The following ANGPTL6 variants were observed in gnomAD, a reference collection of about 807,000 sequenced individuals.
ANGPTL6 encodes angiopoietin like 6.
In ANGPTL6, 45 loss-of-function variants were observed where a neutral mutation model predicts 47.4. The ratio of observed to expected loss-of-function variants is 0.95; its 90% CI spans 0.75 to 1.22. The LOEUF is 1.22. ANGPTL6 is among the 50% of genes most tolerant of loss of function. The pLI is 0.00. For missense variants in ANGPTL6, 698 were observed against 669.4 expected, an observed-to-expected ratio of 1.04 and a Z score of -0.47; for synonymous variants, 290 against 295.9, an observed-to-expected ratio of 0.98 and a Z score of 0.20.
At chr19:10,095,474 T>C (rs1446790703) in intron 2 of ANGPTL6, among the ~76,000 whole-genome samples, 8 of 152,144 alleles carry the variant, frequency 5.3e-5, no homozygotes, top group South Asian at 2.1e-4. Context: ...CTCTTGGTGC[T>C]CATGGTTTAA....
In ANGPTL6 at chr19:10,096,288, C is replaced by G. The variant is rs1394390806; in HGVS notation, c.276G>C (p.Glu92Asp). Residue 92 changes from glutamate to aspartate, a missense_variant, in exon 2 of 6, where the codon GAG becomes GAC. Transcript: ENST00000253109. ...GGCTCTCCTTGCGCAGCGCGCGCAC[C>G]TCGCCGGCCACGGCGCCGTCGGCCG... is the stretch of plus-strand genomic sequence containing the variant. ...LAAADGAVAGEVRALRKESRG... is the reference protein window; with the variant it reads ...LAAADGAVAGDVRALRKESRG... The G allele has an allele frequency of 8.2e-6, 10 of 1,221,522 alleles. No individual in the cohort carries two copies. Among genetic ancestry groups the G allele is most frequent in the Non-Finnish European group, 1.0e-5 (10 of 983,126 alleles). The allele number at this position is 1,221,522 out of a possible 1,614,324, so 75.7% of individuals were successfully genotyped here.
chr19:10,103,917 A>AC (rs1341692308), upstream of ANGPTL6, among the ~76,000 whole-genome samples: 2 of 151,312 alleles, frequency 1.3e-5, no homozygotes, highest in Non-Finnish European at 2.9e-5. Flanking sequence ...AGATGGTGAA[A>AC]CCCCGTCTCT....
intron 3 of ANGPTL6, 49 bp downstream of exon 3, chr19:10,094,709 T>G: frequency 6.2e-7 from 1 of 1,610,770 alleles, no homozygotes; most frequent in East Asian, 2.2e-5. Flanking sequence ...AAATCCTGAC[T>G]CCTCAATTTT....
chr19:10,094,489 C>G lies in ANGPTL6; in HGVS notation c.763+269G>C, dbSNP rs145991590. ...CCCTGGTTTTTTATGGTCTCCTCACCATAATATAAGTCCTGAATATGATAC... is the reference window on the plus strand; with the variant it reads ...CCCTGGTTTTTTATGGTCTCCTCACGATAATATAAGTCCTGAATATGATAC... On this transcript the variant is annotated intron_variant, in intron 3 of 5. Transcript: ENST00000253109. The G allele has an allele frequency of 1.8e-4, 88 of 484,810 alleles. 2 individuals are homozygous for G. The East Asian group carries it at 3.4e-3, about 19-fold the overall frequency. 30.0% of individuals were successfully genotyped at this position (484,810 alleles called of 1,614,324 possible).
upstream of ANGPTL6, among the ~76,000 whole-genome samples, chr19:10,103,833 G>A (rs184646757): frequency 1.8e-4 from 27 of 150,824 alleles, no homozygotes; most frequent in Non-Finnish European, 1.6e-4. Context: ...GGTGGCTCAC[G>A]CCTGTAATCC....
In ANGPTL6 at chr19:10,096,309, G is replaced by C. The variant is rs1372393904; in HGVS notation, c.255C>G (p.Ala85=). 1.6e-6 allele frequency: 2 copies of C among 1,240,684 alleles called. No homozygotes were observed. The highest frequency in any genetic ancestry group is 1.0e-6 in the Non-Finnish European group (1 of 994,670). The allele number at this position is 1,240,684 out of a possible 1,614,324, so 76.9% of individuals were successfully genotyped here. Residue 85 remains alanine, a synonymous_variant, in exon 2 of 6, where the codon GCC becomes GCG. Transcript: ENST00000253109. ...GCACCTCGCCGGCCACGGCGCCGTC[G>C]GCCGCCGCCAGCCTCTGCAGCTCGC... ...LLRELQRLAA[A]DGAVAGEVRA... is the part of the protein sequence containing the mutation.
Position 10,096,149 on chromosome 19 carries a change from G to GCAGCGC in ANGPTL6, c.409_414dup (p.Ala137_Leu138dup). ...GACGCGTTGAGCACGCGCTCCCCGA[G>GCAGCGC]CAGCGCCAGCGCCGCGGCAGGCTCC... On this transcript the variant is annotated inframe_insertion, in exon 2 of 6. Coordinates refer to ENST00000253109, the MANE Select transcript of ANGPTL6 (RefSeq NM_031917.3). 2.2e-6 allele frequency: 3 copies of GCAGCGC among 1,354,532 alleles called. No homozygotes were observed. Among genetic ancestry groups the GCAGCGC allele is most frequent in the Non-Finnish European group, 1.9e-6 (2 of 1,052,720 alleles). 83.9% of individuals were successfully genotyped at this position (1,354,532 alleles called of 1,614,324 possible). A position where few individuals can be genotyped will look rare whatever the true frequency, so the allele number is the denominator to read the frequency against.
intron 3 of ANGPTL6, chr19:10,094,437 C>A: frequency 2.9e-6 from 1 of 348,466 alleles, no homozygotes; most frequent in Non-Finnish European, 5.3e-6. Flanking sequence ...TGAGCCATCG[C>A]GCCCGGCCAA....
chr19:10,092,415 G>A lies in ANGPTL6; in HGVS notation c.*174C>T. 8.6e-6 allele frequency: 13 copies of A among 1,516,062 alleles called. No homozygotes were observed. Among genetic ancestry groups the A allele is most frequent in the Non-Finnish European group, 1.1e-5 (13 of 1,133,276 alleles). 93.9% of individuals were successfully genotyped at this position (1,516,062 alleles called of 1,614,324 possible). ...ACCTTGGGGAGCCATCTGAGGCCAA[G>A]ATATTGACGGGGGGGATTCCTGGGT... On this transcript the variant is annotated 3_prime_UTR_variant, in exon 6 of 6. Coordinates refer to ENST00000253109, the MANE Select transcript of ANGPTL6 (RefSeq NM_031917.3).
chr19:10,103,829 T>G (rs971310303), upstream of ANGPTL6, among the ~76,000 whole-genome samples: 6 of 150,838 alleles, frequency 4.0e-5, no homozygotes, highest in East Asian at 1.9e-4. Context: ...GCGCGGTGGC[T>G]CACGCCTGTA....
upstream of ANGPTL6, among the ~76,000 whole-genome samples, chr19:10,104,419 G>T (rs2088768210): frequency 6.6e-6 from 1 of 151,102 alleles, no homozygotes. Context: ...AACTATTCAT[G>T]ATTTTGTTAA....
At chr19:10,101,308 C>A (rs1040332622) in intron 1 of ANGPTL6, among the ~76,000 whole-genome samples, 1 of 152,130 alleles carries the variant, frequency 6.6e-6, no homozygotes, top group African/African-American at 2.4e-5. Flanking sequence ...CTTTGGGAGG[C>A]CAAGGCAGGA....
rs1309257997 is a variant in ANGPTL6 at position 10,096,199 on chromosome 19, G to A, written c.365C>T (p.Ala122Val). 5 of 1,226,306 alleles carry A rather than the reference G, an allele frequency of 4.1e-6. No individual in the cohort carries two copies. The highest frequency in any genetic ancestry group is 3.5e-5 in the South Asian group (1 of 28,344). The allele number at this position is 1,226,306 out of a possible 1,614,324, so 76.0% of individuals were successfully genotyped here. ...AQLQHEAGPGAGPGADLGAEP... is the reference protein window; with the variant it reads ...AQLQHEAGPGVGPGADLGAEP... ...CGCCCCCAGATCCGCCCCCGGGCCC[G>A]CCCCGGGCCCCGCCTCGTGCTGCAG... The change falls in exon 2 of 6, where the codon GCG becomes GTG. Residue 122 changes from alanine (A) to valine (V), a missense_variant. Coordinates refer to ENST00000253109, the MANE Select transcript of ANGPTL6 (RefSeq NM_031917.3).
At chr19:10,095,930 A>G in intron 2 of ANGPTL6, 52 bp downstream of exon 2, 1 of 1,110,068 alleles carries the variant, frequency 9.0e-7, no homozygotes, top group Non-Finnish European at 1.2e-6. Flanking sequence ...GTGGGGTTGC[A>G]AAACCCCCAT....
At position 10,096,137 on chromosome 19, in the gene ANGPTL6, C is replaced by A. The variant is rs745889178; in HGVS notation, c.427G>T (p.Val143Leu). 5.5e-5 allele frequency: 77 copies of A among 1,404,588 alleles called. No individual in the cohort carries two copies. In the Middle Eastern group the frequency reaches 2.0e-3, roughly 37 times the overall value. 87.0% of individuals were successfully genotyped at this position (1,404,588 alleles called of 1,614,324 possible). ...AAALALLGER[V>L]LNASAEAQRA... ...TGAGCCTCGGCGGACGCGTTGAGCA[C>A]GCGCTCCCCGAGCAGCGCCAGCGCC... Residue 143 changes from valine to leucine, a missense_variant, in exon 2 of 6, where the codon GTG becomes TTG. Val to Leu is a conservative substitution (Grantham distance 32). Coordinates refer to ENST00000253109, the MANE Select transcript of ANGPTL6 (RefSeq NM_031917.3).
rs1352383737 is a variant in ANGPTL6 at position 10,096,316 on chromosome 19, G to A, written c.248C>T (p.Ala83Val). 1.1e-5 allele frequency: 14 copies of A among 1,264,150 alleles called. No homozygotes were observed. The highest frequency in any genetic ancestry group is 1.4e-5 in the Non-Finnish European group (14 of 1,008,240). 78.3% of individuals were successfully genotyped at this position (1,264,150 alleles called of 1,614,324 possible). ...GCCGGCCACGGCGCCGTCGGCCGCC[G>A]CCAGCCTCTGCAGCTCGCGTAACAG... ...EELLRELQRL[A>V]AADGAVAGEV... Residue 83 changes from alanine (A) to valine (V), a missense_variant, in exon 2 of 6, where the codon GCG (alanine) becomes GTG (valine). Transcript: ENST00000253109.
chr19:10,096,096 C>G lies in ANGPTL6; in HGVS notation c.468G>C (p.Arg156=). ...ASAEAQRAAA[R]FHQLDVKFRE... ...GGAACTTGACGTCCAGCTGGTGGAA[C>G]CGGGCGGCTGCGCGCTGAGCCTCGG... The change falls in exon 2 of 6, where the codon CGG becomes CGC. Residue 156 remains arginine, a synonymous_variant. Coordinates refer to ENST00000253109, the MANE Select transcript of ANGPTL6 (RefSeq NM_031917.3). 3 of 1,492,812 alleles carry G rather than the reference C, an allele frequency of 2.0e-6. No homozygotes were observed. Among genetic ancestry groups the G allele is most frequent in the Non-Finnish European group, 2.7e-6 (3 of 1,123,666 alleles). The allele number at this position is 1,492,812 out of a possible 1,614,324, so 92.5% of individuals were successfully genotyped here. A position where few individuals can be genotyped will look rare whatever the true frequency, so the allele number is the denominator to read the frequency against.
At chr19:10,094,729 AC>A in intron 3 of ANGPTL6, 28 bp downstream of exon 3, 2 of 1,613,958 alleles carry the variant, frequency 1.2e-6, no homozygotes, top group Middle Eastern at 1.6e-4. Flanking sequence ...TCCTCTACCC[AC>A]AATTCCTCAG....
At chr19:10,104,522 C>T (rs1346380578), upstream of ANGPTL6, among the ~76,000 whole-genome samples, 4 of 152,100 alleles carry the variant, frequency 2.6e-5, no homozygotes, top group Non-Finnish European at 5.9e-5. Context: ...GTGAGAAAAA[C>T]ATTCAGGAAT....
Sources: gnomAD v4.1 joint callset for allele counts (sites outside exome capture counted in the v4.1 genomes callset) on GRCh38, gnomAD v4.1.1 for gene constraint, MANE v1.5 for transcripts, NCBI Gene and HGNC (gene_info 2026-07-23, HGNC 2026-07-21) for gene names.